The following SGCD variants were observed in gnomAD, a reference collection of about 807,000 sequenced individuals.
SGCD encodes the protein delta-sarcoglycan.
Under a neutral mutation model 36.6 loss-of-function variants are expected in SGCD, and 18 were observed. The observed-to-expected ratio is 0.49, with a 90% CI of 0.34 to 0.73. The LOEUF (loss-of-function observed/expected upper bound fraction) is 0.73, where lower values mean the gene tolerates loss of function less well. SGCD is among the 30% of genes least tolerant of loss of function. SGCD has a pLI of 0.01. For synonymous variants in SGCD, 133 were observed against 130.6 expected (o/e 1.02, Z -0.12); for missense variants, 387 against 346.7 (o/e 1.12, Z -0.92).
intron 1 of SGCD, among the ~76,000 whole-genome samples, chr5:155,933,156 T>C (rs759916755): frequency 1.1e-4 from 16 of 152,190 alleles, no homozygotes; most frequent in Non-Finnish European, 2.4e-4. Context: ...CCTCTTATCC[T>C]CTCTTTTCTC....
rs552562334 is a variant in SGCD at position 156,457,012 on chromosome 5, ATATTTT to A, written c.193-51586_193-51581del. Among the ~76,000 whole-genome samples, 72 of 152,334 alleles carry A rather than the reference ATATTTT, an allele frequency of 4.7e-4. 4 individuals carry two copies. The East Asian group carries it at 5.4e-3, about 11-fold the overall frequency. ...TTGATTGGAGCATTTGCCTAAGGAA[ATATTTT>A]TAGTTTCTGAAGTTGTAGCATTCTT... On this transcript the variant is annotated intron_variant, in intron 3 of 8. Transcript: ENST00000337851.
chr5:156,055,164 A>G lies in SGCD; in HGVS notation c.-281-62714A>G, dbSNP rs549702112. On this transcript the variant is annotated intron_variant, in intron 1 of 9. Coordinates refer to the SGCD transcript ENST00000517913. ...CAGTTTTCTATTTTTTTTTTTCCCCATAGAAGAATTCAGCCCTGAGGCTAC... is the reference window on the plus strand; with the variant it reads ...CAGTTTTCTATTTTTTTTTTTCCCCGTAGAAGAATTCAGCCCTGAGGCTAC... 1.2e-4 allele frequency among the ~76,000 whole-genome samples: 17 copies of G among 144,342 alleles called. 2 individuals carry two copies. Among genetic ancestry groups the G allele is most frequent in the Admixed American group, 6.2e-4 (9 of 14,528 alleles). The allele number at this position is 144,342 out of a possible 152,430, so 94.7% of individuals were successfully genotyped here. A position where few individuals can be genotyped will look rare whatever the true frequency, so the allele number is the denominator to read the frequency against.
chr5:156,284,562 C>T (rs201858085), intron 3 of SGCD, among the ~76,000 whole-genome samples: 25 of 152,144 alleles, frequency 1.6e-4, no homozygotes, highest in East Asian at 7.7e-4. Flanking sequence ...ACAGAACCAA[C>T]GACAAAAACC....
At chr5:156,626,933 C>T (rs1361125594) in intron 6 of SGCD, among the ~76,000 whole-genome samples, 2 of 152,164 alleles carry the variant, frequency 1.3e-5, no homozygotes, top group Admixed American at 6.5e-5. Flanking sequence ...GTTTGAGAAG[C>T]ACACCTTGTA....
intron 6 of SGCD, among the ~76,000 whole-genome samples, chr5:156,646,418 G>A (rs377272054): frequency 9.9e-5 from 15 of 152,090 alleles, no homozygotes; most frequent in South Asian, 2.1e-4. Flanking sequence ...AGAAGCCTTC[G>A]GAACCTAAAG....
chr5:156,392,327 T>C (rs1771616044), intron 3 of SGCD, among the ~76,000 whole-genome samples: 1 of 152,202 alleles, frequency 6.6e-6, no homozygotes, highest in African/African-American at 2.4e-5. Flanking sequence ...TGAATACATG[T>C]GGCAAAAGGA....
chr5:156,005,725 C>T (rs187662179), intron 1 of SGCD, among the ~76,000 whole-genome samples: 135 of 152,310 alleles, frequency 8.9e-4, no homozygotes, highest in Non-Finnish European at 3.5e-4. Context: ...GCTAGGATTA[C>T]AGGCGTGAGC....
chr5:156,610,483 G>T (rs895540882), intron 6 of SGCD, among the ~76,000 whole-genome samples: 7 of 152,238 alleles, frequency 4.6e-5, no homozygotes, highest in Admixed American at 1.3e-4. Flanking sequence ...AGGCTCCTCG[G>T]GGGTCAGGGA....
intron 1 of SGCD, among the ~76,000 whole-genome samples, chr5:156,072,000 C>T (rs1484678631): frequency 6.6e-6 from 1 of 152,112 alleles, no homozygotes; most frequent in Non-Finnish European, 1.5e-5. Context: ...TTCCTCCATC[C>T]TTTTATTTTG....
intron 3 of SGCD, among the ~76,000 whole-genome samples, chr5:156,194,894 G>A (rs1763986292): frequency 6.6e-6 from 1 of 151,986 alleles, no homozygotes; most frequent in Non-Finnish European, 1.5e-5. Flanking sequence ...ATAAAGCCAG[G>A]TATGTATATA....
intron 3 of SGCD, among the ~76,000 whole-genome samples, chr5:156,179,682 C>T (rs182269298): frequency 2.0e-5 from 3 of 147,614 alleles, no homozygotes; most frequent in Admixed American, 6.8e-5. Context: ...AGTGCACTGG[C>T]GTGATCTCGG....
chr5:155,862,981 T>TA, the SGCD span, among the ~76,000 whole-genome samples: 2 of 152,334 alleles, frequency 1.3e-5, no homozygotes, highest in South Asian at 4.1e-4. Context: ...TGTCCATTGA[T>TA]ACCATTTTAG....
Position 156,344,604 on chromosome 5 carries a change from T to C in SGCD, c.119T>C (p.Leu40Pro). 1 of 1,612,432 alleles carries C rather than the reference T, an allele frequency of 6.2e-7. No individual in the cohort carries two copies. The highest frequency in any genetic ancestry group is 1.1e-5 in the South Asian group (1 of 90,668). ...WRKRCLYFFV[L>P]LLMILILVNL... ...AAACGATGCCTGTATTTCTTTGTCC[T>C]GCTCCTCATGATTTTAATACTGGTG... is the stretch of plus-strand genomic sequence containing the variant. The change falls in exon 3 of 9, where the codon CTG becomes CCG. Residue 40 changes from leucine to proline, a missense_variant. Transcript: ENST00000337851.
At chr5:156,131,704 G>A (rs569844596) in intron 3 of SGCD, among the ~76,000 whole-genome samples, 3 of 152,260 alleles carry the variant, frequency 2.0e-5, no homozygotes, top group African/African-American at 7.2e-5. Flanking sequence ...GAAAAAAAAG[G>A]CATTTAATTA....
chr5:156,164,942 C>T (rs1224720432), intron 3 of SGCD, among the ~76,000 whole-genome samples: 1 of 152,156 alleles, frequency 6.6e-6, no homozygotes, highest in African/African-American at 2.4e-5. Context: ...CAGTTTTCTC[C>T]TCTGGAAAAT....
At chr5:156,667,366 T>G (rs936797224) in intron 7 of SGCD, among the ~76,000 whole-genome samples, 1 of 152,116 alleles carries the variant, frequency 6.6e-6, no homozygotes, top group African/African-American at 2.4e-5. Flanking sequence ...ATCCGTAAAT[T>G]TTCTCCCTTT....
chr5:156,572,642 A>G (rs1168645148), intron 4 of SGCD, among the ~76,000 whole-genome samples: 1 of 152,188 alleles, frequency 6.6e-6, no homozygotes, highest in Non-Finnish European at 1.5e-5. Context: ...TGAAGCACCC[A>G]TAAGCCAAAG....
At chr5:156,650,787 G>A (rs903234565) in intron 7 of SGCD, among the ~76,000 whole-genome samples, 4 of 152,078 alleles carry the variant, frequency 2.6e-5, no homozygotes, top group African/African-American at 7.2e-5. Flanking sequence ...ATATTGCAAT[G>A]AATATACAAG....
chr5:156,444,123 C>CCT (rs148882327), intron 3 of SGCD, among the ~76,000 whole-genome samples: 28 of 42,942 alleles, frequency 6.5e-4, no homozygotes, highest in Middle Eastern at 0.026. Flanking sequence ...TCTCCCCTTC[C>CCT]CTCTCTCTCT....
Sources: gnomAD v4.1 joint callset for allele counts (sites outside exome capture counted in the v4.1 genomes callset) on GRCh38, gnomAD v4.1.1 for gene constraint, MANE v1.5 for transcripts, NCBI Gene and HGNC (gene_info 2026-07-23, HGNC 2026-07-21) for gene names.